The following DTHD1 variants were observed in gnomAD, a reference collection of about 807,000 sequenced individuals.
DTHD1 encodes death domain-containing protein 1.
Under a neutral mutation model 74.8 loss-of-function variants are expected in DTHD1, and 59 were observed. The observed-to-expected ratio is 0.79, with a 90% CI of 0.64 to 0.98. The LOEUF is 0.98. Among genes scored for constraint, DTHD1 ranks in the 50% least tolerant of loss-of-function variants. The pLI, the probability that DTHD1 is intolerant of heterozygous loss-of-function variation, is 0.00. For synonymous variants in DTHD1, 365 were observed against 371.1 expected (o/e 0.98, Z 0.19); for missense variants, 1,051 against 1,065.4 (o/e 0.99, Z 0.19).
chr4:36,338,522 C>T (rs1578497713), intron 8 of DTHD1, among the ~76,000 whole-genome samples: 2 of 151,498 alleles, frequency 1.3e-5, no homozygotes, highest in African/African-American at 4.9e-5. Context: ...CAACCACTGG[C>T]TAGGGATCTG....
At position 36,281,641 on chromosome 4, in the gene DTHD1, G is replaced by A. The variant is rs1400448217; in HGVS notation, c.-118G>A. The A allele has an allele frequency of 1.5e-5, 18 of 1,229,790 alleles. 1 individual carries two copies. Among genetic ancestry groups the A allele is most frequent in the Non-Finnish European group, 1.7e-5 (17 of 985,892 alleles). 76.2% of individuals were successfully genotyped at this position (1,229,790 alleles called of 1,614,324 possible). A position where few individuals can be genotyped will look rare whatever the true frequency, so the allele number is the denominator to read the frequency against. ...ACCACTATGTTGTGAGAAAGTGCTG[G>A]GCTAGCTGACTCGGATCATCTCCTA... is the stretch of plus-strand genomic sequence containing the variant. On this transcript the variant is annotated 5_prime_UTR_variant, in exon 1 of 10. Coordinates refer to ENST00000639862, the MANE Select transcript of DTHD1 (RefSeq NM_001170700.3).
Position 36,343,512 on chromosome 4 carries a change from G to A in DTHD1, c.2409G>A (p.Trp803Ter), listed in dbSNP as rs149895631. The A allele has an allele frequency of 2.8e-4, 437 of 1,551,080 alleles. 1 individual carries two copies. The African/African-American group carries it at 5.7e-3, about 20-fold the overall frequency. ...RVSKDPVEAL[W>*]DNLLHWLAEE... is the part of the protein sequence containing the mutation. Reference sequence around the variant, plus strand: ...TCCTGTGCCTGACAGAAGCCCTTTGGGATAACTTGCTCCATTGGCTGGCTG... The same window carrying A: ...TCCTGTGCCTGACAGAAGCCCTTTGAGATAACTTGCTCCATTGGCTGGCTG... Residue 803 changes from tryptophan (W) to a stop codon, truncating the protein, a stop_gained, in exon 10 of 10, where the codon TGG becomes TGA. Coordinates refer to ENST00000639862, the MANE Select transcript of DTHD1 (RefSeq NM_001170700.3). LOFTEE classifies it high-confidence loss of function.
chr4:36,332,303 T>C (rs13101438), intron 8 of DTHD1, among the ~76,000 whole-genome samples: 30,992 of 151,498 alleles, frequency 0.2, 4,128 homozygotes, highest in Non-Finnish European at 0.29. Flanking sequence ...GTTTTACTGT[T>C]TTGCCCTTCC....
intron 5 of DTHD1, among the ~76,000 whole-genome samples, chr4:36,303,323 T>C (rs943228656): frequency 1.3e-5 from 2 of 152,228 alleles, no homozygotes; most frequent in African/African-American, 4.8e-5. Flanking sequence ...GAATGTGGAC[T>C]GTGCCTATTA....
intron 1 of DTHD1, among the ~76,000 whole-genome samples, chr4:36,283,267 T>C (rs1755502929): frequency 6.6e-6 from 1 of 152,122 alleles, no homozygotes; most frequent in Non-Finnish European, 1.5e-5. Flanking sequence ...TTATATAAGA[T>C]TTGATCATGC....
chr4:36,343,483 T>C lies in DTHD1; in HGVS notation c.2399-19T>C. 1 of 1,546,430 alleles carries C rather than the reference T, an allele frequency of 6.5e-7. No homozygotes were observed. The highest frequency in any genetic ancestry group is 8.7e-7 in the Non-Finnish European group (1 of 1,144,036). On this transcript the variant is annotated intron_variant, in intron 9 of 9. Transcript: ENST00000639862. ...CAGGAGAGGGTCCTAACCGTGAGTG[T>C]TCCTCCTGTGCCTGACAGAAGCCCT...
At chr4:36,296,796 T>G (rs1756427574) in intron 5 of DTHD1, among the ~76,000 whole-genome samples, 1 of 152,130 alleles carries the variant, frequency 6.6e-6, no homozygotes, top group Non-Finnish European at 1.5e-5. Context: ...GCTTCATTGT[T>G]TTACTATGCT....
chr4:36,305,368 T>C (rs1756982125), intron 5 of DTHD1, among the ~76,000 whole-genome samples: 1 of 152,046 alleles, frequency 6.6e-6, no homozygotes, highest in African/African-American at 2.4e-5. Flanking sequence ...AGGCATGTCT[T>C]ACATGGCAGA....
chr4:36,326,414 G>GAA (rs373848744), intron 8 of DTHD1, among the ~76,000 whole-genome samples: 3 of 135,742 alleles, frequency 2.2e-5, no homozygotes, highest in East Asian at 2.1e-4. Context: ...CTTATTTATT[G>GAA]AAAAAAAAAA....
chr4:36,299,216 A>G lies in DTHD1; in HGVS notation c.1643+4177A>G, dbSNP rs994553642. Among the ~76,000 whole-genome samples, 3 of 152,244 alleles carry G rather than the reference A, an allele frequency of 2.0e-5. No homozygotes were observed. The South Asian group carries it at 6.2e-4, about 32-fold the overall frequency. On this transcript the variant is annotated intron_variant, in intron 5 of 9. Coordinates refer to ENST00000639862, the MANE Select transcript of DTHD1 (RefSeq NM_001170700.3). ...TCTTCTTCTTCTCTGGCAGCACTCT[A>G]TAGGTTAAAGTTGAGTAACTCTGGT...
At position 36,294,555 on chromosome 4, in the gene DTHD1, A is replaced by G. The variant is rs538459335; in HGVS notation, c.1399-240A>G. ...CTGCAATTAAGTCTGTTTCTTAGTT[A>G]TTTATAACATAAGACAGGGAACCCA... On this transcript the variant is annotated intron_variant, in intron 4 of 9. Coordinates refer to ENST00000639862, the MANE Select transcript of DTHD1 (RefSeq NM_001170700.3). Among the ~76,000 whole-genome samples, 5 of 152,078 alleles carry G rather than the reference A, an allele frequency of 3.3e-5. No individual in the cohort carries two copies. The East Asian group carries it at 9.6e-4, about 29-fold the overall frequency.
At chr4:36,309,394 G>T (rs1469443415) in intron 7 of DTHD1, among the ~76,000 whole-genome samples, 3 of 152,108 alleles carry the variant, frequency 2.0e-5, no homozygotes, top group African/African-American at 7.3e-5. Context: ...GGAGGTTGCA[G>T]GTTGCAGTGA....
chr4:36,286,053 C>T (rs77881833), intron 2 of DTHD1, among the ~76,000 whole-genome samples: 1,726 of 152,220 alleles, frequency 0.011, 32 homozygotes, highest in African/African-American at 0.039. Context: ...TTAGTTATCT[C>T]GCCCATAAAA....
In DTHD1 at chr4:36,346,308, A is replaced by AAACACTCCCTGTCAT. The variant is rs1404268973; in HGVS notation, c.*2488_*2502dup. Among the ~76,000 whole-genome samples, 4 of 151,856 alleles carry AAACACTCCCTGTCAT rather than the reference A, an allele frequency of 2.6e-5. No individual in the cohort carries two copies. Among genetic ancestry groups the AAACACTCCCTGTCAT allele is most frequent in the African/African-American group, 9.7e-5 (4 of 41,330 alleles). On this transcript the variant is annotated 3_prime_UTR_variant, in exon 10 of 10. Transcript: ENST00000639862. ...CACCTGCACATATACAATCTCATTA[A>AAACACTCCCTGTCAT]AACACTCCCTGTCATAACCCTCCCG...
intron 8 of DTHD1, among the ~76,000 whole-genome samples, chr4:36,328,284 T>C (rs1758465220): frequency 6.6e-6 from 1 of 152,218 alleles, no homozygotes; most frequent in Admixed American, 6.5e-5. Context: ...CTCTGTGGAT[T>C]TGTGCTGATT....
At chr4:36,305,365 T>A (rs1756981953) in intron 5 of DTHD1, among the ~76,000 whole-genome samples, 1 of 152,074 alleles carries the variant, frequency 6.6e-6, no homozygotes, top group African/African-American at 2.4e-5. Context: ...GAAAGGCATG[T>A]CTTACATGGC....
At chr4:36,299,422 T>G (rs529031965) in intron 5 of DTHD1, among the ~76,000 whole-genome samples, 1 of 152,354 alleles carries the variant, frequency 6.6e-6, no homozygotes, top group African/African-American at 2.4e-5. Flanking sequence ...GGTGATCTGC[T>G]TTATTTTGCC....
chr4:36,339,951 T>C (rs575573749), intron 9 of DTHD1, among the ~76,000 whole-genome samples: 3 of 152,186 alleles, frequency 2.0e-5, no homozygotes, highest in Non-Finnish European at 4.4e-5. Context: ...ACAACAGCAA[T>C]AGATAAAAGC....
At chr4:36,309,803 T>A (rs2109503180) in intron 7 of DTHD1, among the ~76,000 whole-genome samples, 1 of 152,316 alleles carries the variant, frequency 6.6e-6, no homozygotes, top group Non-Finnish European at 1.5e-5. Flanking sequence ...TCATCCTCAT[T>A]TTTTCTGTAC....
Sources: allele counts gnomAD v4.1 joint callset (sites outside exome capture counted in the v4.1 genomes callset), GRCh38; gene constraint gnomAD v4.1.1; transcripts MANE v1.5; gene names NCBI Gene and HGNC (gene_info 2026-07-23, HGNC 2026-07-21).